The following RTN4 variants were observed in gnomAD, a reference collection of about 807,000 sequenced individuals.
The protein encoded by RTN4 is reticulon-4.
RTN4 carries 32 observed loss-of-function variants against 90.4 expected under a neutral mutation model. The observed-to-expected ratio is 0.35, with a 90% CI of 0.27 to 0.48. RTN4 has a LOEUF of 0.48. Among genes scored for constraint, RTN4 ranks in the 20% least tolerant of loss-of-function variants. RTN4 has a pLI of 0.99. For missense variants in RTN4, 1,706 were observed against 1,430.2 expected (o/e 1.19, Z -3.11); for synonymous variants, 629 against 552.5 (o/e 1.14, Z -1.94).
intron 3 of RTN4, among the ~76,000 whole-genome samples, chr2:55,021,470 T>C (rs12997788): frequency 1.3e-5 from 2 of 151,986 alleles, no homozygotes. Flanking sequence ...TTTACACTTT[T>C]TTTTTTTTTT....
At chr2:55,029,897 TAC>T (rs1402068404) in intron 1 of RTN4, among the ~76,000 whole-genome samples, 2 of 152,190 alleles carry the variant, frequency 1.3e-5, no homozygotes, top group East Asian at 1.9e-4. Context: ...GATCTTAAAT[TAC>T]AGTTTCTCAT....
chr2:55,107,466 T>C (rs563573603), intron 1 of RTN4, among the ~76,000 whole-genome samples: 4 of 150,534 alleles, frequency 2.7e-5, no homozygotes, highest in Non-Finnish European at 4.4e-5. Flanking sequence ...TAGGCCCTAC[T>C]TTCTTGCCCT....
At chr2:54,999,906 A>G (rs1679730662) in intron 3 of RTN4, among the ~76,000 whole-genome samples, 1 of 152,208 alleles carries the variant, frequency 6.6e-6, no homozygotes, top group African/African-American at 2.4e-5. Flanking sequence ...AAAGACATTA[A>G]GAGGACCTTA....
intron 3 of RTN4, among the ~76,000 whole-genome samples, chr2:55,016,150 G>A (rs1681019045): frequency 6.6e-6 from 1 of 152,034 alleles, no homozygotes. Flanking sequence ...GGAACACTAA[G>A]TACAAAAAAT....
At position 55,072,160 on chromosome 2, in the gene RTN4, CA is replaced by C. The variant is rs1199072471; in HGVS notation, c.-63+8328del. Among the ~76,000 whole-genome samples the C allele has an allele frequency of 1.9e-4, 23 of 124,134 alleles. No homozygotes were observed. In the South Asian group the frequency reaches 2.1e-3, roughly 11 times the overall value. The allele number at this position is 124,134 out of a possible 152,430, so 81.4% of individuals were successfully genotyped here. A position where few individuals can be genotyped will look rare whatever the true frequency, so the allele number is the denominator to read the frequency against. ...GATTGTTTTTAGTTATTTTTTTTTT[CA>C]AAAAAAAATATGTAAAACTGGAGTA... On this transcript the variant is annotated intron_variant, in intron 2 of 3. Coordinates refer to the RTN4 transcript ENST00000427710.
At chr2:55,063,068 T>G (rs1002862883) in intron 2 of RTN4, among the ~76,000 whole-genome samples, 1 of 152,218 alleles carries the variant, frequency 6.6e-6, no homozygotes, top group African/African-American at 2.4e-5. Flanking sequence ...CATACTAACC[T>G]TGATCTACCT....
chr2:54,973,664 T>C, intron 7 of RTN4, 43 bp from the exon 8 acceptor site: 2 of 1,543,936 alleles, frequency 1.3e-6, no homozygotes, highest in Non-Finnish European at 1.8e-6. Context: ...TGCTAAAGAA[T>C]CTTATTAACC....
At chr2:55,011,297 G>T (rs547170090) in intron 3 of RTN4, among the ~76,000 whole-genome samples, 1 of 152,062 alleles carries the variant, frequency 6.6e-6, no homozygotes, top group Non-Finnish European at 1.5e-5. Flanking sequence ...AAAGTGCGGG[G>T]ATTACAGGTA....
chr2:55,105,106 T>C (rs1667920263), intron 1 of RTN4, among the ~76,000 whole-genome samples: 1 of 151,994 alleles, frequency 6.6e-6, no homozygotes, highest in South Asian at 2.1e-4. Context: ...CTGGCCCTGC[T>C]CATTGTTTTC....
intron 3 of RTN4, among the ~76,000 whole-genome samples, chr2:55,012,349 C>A (rs1680706067): frequency 2.0e-5 from 3 of 152,150 alleles, no homozygotes; most frequent in Admixed American, 2.0e-4. Flanking sequence ...GTTTAGTAAA[C>A]ATTTCAGCCT....
intron 1 of RTN4, among the ~76,000 whole-genome samples, chr2:55,083,311 C>T (rs185304296): frequency 3.2e-4 from 49 of 152,292 alleles, no homozygotes; most frequent in Non-Finnish European, 5.3e-4. Context: ...GCCTGGCCAA[C>T]GTGGCAAAAC....
upstream of RTN4, among the ~76,000 whole-genome samples, chr2:55,052,065 G>A (rs866576445): frequency 6.6e-6 from 1 of 152,158 alleles, no homozygotes; most frequent in Non-Finnish European, 1.5e-5. Flanking sequence ...GTTGGAGGGA[G>A]GGATAAATAG....
intron 3 of RTN4, among the ~76,000 whole-genome samples, chr2:55,012,835 T>C (rs1054101755): frequency 6.6e-6 from 1 of 152,176 alleles, no homozygotes; most frequent in Non-Finnish European, 1.5e-5. Flanking sequence ...ATAGTTCTAT[T>C]ATTTTCCAGC....
At chr2:55,114,099 C>A (rs1304139533), upstream of RTN4, among the ~76,000 whole-genome samples, 1 of 152,142 alleles carries the variant, frequency 6.6e-6, no homozygotes. Context: ...TACAATTTAT[C>A]GGAAAATATA....
the RTN4 span, among the ~76,000 whole-genome samples, chr2:55,118,220 C>G: frequency 6.6e-6 from 1 of 152,082 alleles, no homozygotes; most frequent in East Asian, 1.9e-4. Context: ...AATCCCAGCA[C>G]TTTGGGAGGT....
chr2:55,102,539 T>A (rs911352452), intron 1 of RTN4, among the ~76,000 whole-genome samples: 3 of 152,142 alleles, frequency 2.0e-5, no homozygotes, highest in African/African-American at 2.4e-5. Flanking sequence ...GATTTTTTTT[T>A]AATCATTTAA....
chr2:55,047,398 G>A (rs1667819216), intron 1 of RTN4, among the ~76,000 whole-genome samples: 1 of 150,982 alleles, frequency 6.6e-6, no homozygotes, highest in South Asian at 2.1e-4. Context: ...TTTCCCTCAA[G>A]TATGTCTTTT....
At chr2:55,024,497 A>C (rs1042583623) in intron 3 of RTN4, among the ~76,000 whole-genome samples, 7 of 152,190 alleles carry the variant, frequency 4.6e-5, no homozygotes, top group Non-Finnish European at 8.8e-5. Context: ...ACCTTATGCA[A>C]ATCAGGTATG....
Position 55,050,444 on chromosome 2 carries a change from G to A in RTN4, c.-144C>T, listed in dbSNP as rs1489003616. ...GGGACCTACTGTGGTGACGGCTCCC[G>A]GAACAATGAGACTGCTCCTCCTGCC... On this transcript the variant is annotated 5_prime_UTR_variant, in exon 1 of 9. Transcript: ENST00000337526. This position sits in a 1 kb window ranked among gnomAD's most constrained non-coding sequence, Gnocchi z 4.6. 4.5e-6 allele frequency: 2 copies of A among 446,184 alleles called. No individual in the cohort carries two copies. The highest frequency in any genetic ancestry group is 7.1e-5 in the East Asian group (2 of 28,336). The allele number at this position is 446,184 out of a possible 1,614,324, so 27.6% of individuals were successfully genotyped here. A position where few individuals can be genotyped will look rare whatever the true frequency, so the allele number is the denominator to read the frequency against.
Sources: allele counts gnomAD v4.1 joint callset (sites outside exome capture counted in the v4.1 genomes callset), GRCh38; gene constraint gnomAD v4.1.1; non-coding constraint Gnocchi (gnomAD v3.1); transcripts MANE v1.5; gene names NCBI Gene and HGNC (gene_info 2026-07-23, HGNC 2026-07-21).